The following EML6 variants were observed in gnomAD, a reference collection of about 807,000 sequenced individuals.
EML6 encodes echinoderm microtubule-associated protein-like 6.
EML6 carries 154 observed loss-of-function variants against 240.1 expected under a neutral mutation model. The observed-to-expected ratio is 0.64, with a 90% confidence interval of 0.56 to 0.73. The LOEUF is 0.73. Ranked by LOEUF, EML6 falls within the 30% of genes least tolerant of loss-of-function variation. EML6 has a pLI of 0.00. For synonymous variants in EML6, 1,148 were observed against 899.0 expected (o/e 1.28, Z -4.95); for missense variants, 2,964 against 2,474.6 (o/e 1.20, Z -4.20).
At chr2:54,934,249 C>T (rs1189928117) in intron 28 of EML6, among the ~76,000 whole-genome samples, 2 of 152,130 alleles carry the variant, frequency 1.3e-5, no homozygotes, top group Non-Finnish European at 2.9e-5. Flanking sequence ...GTACAGCTCT[C>T]CAAGTGTCCC....
At chr2:54,895,540 T>C in intron 21 of EML6, 140 bp downstream of exon 21, 1 of 751,708 alleles carries the variant, frequency 1.3e-6, no homozygotes, top group Non-Finnish European at 2.1e-6. Flanking sequence ...TACCTATTGC[T>C]GTGTAACAAA....
intron 2 of EML6, among the ~76,000 whole-genome samples, chr2:54,744,143 G>A (rs1445799072): frequency 1.3e-5 from 2 of 151,420 alleles, no homozygotes; most frequent in Non-Finnish European, 2.9e-5. Context: ...GGGGTGGGGG[G>A]AATCTAGAAA....
At position 54,895,404 on chromosome 2, in the gene EML6, C is replaced by G. The variant is rs369842285; in HGVS notation, c.2982+4C>G. 9 of 1,551,596 alleles carry G rather than the reference C, an allele frequency of 5.8e-6. No individual in the cohort carries two copies. In the African/African-American group the frequency reaches 8.2e-5, roughly 14 times the overall value. ...CCCAATGACACTGCTTGTTCAGGTA[C>G]TGTTTGTATGTATTCTAAACTGCAG... On this transcript the variant is annotated splice_donor_region_variant and intron_variant, in intron 21 of 41. Transcript: ENST00000356458.
At chr2:54,856,334 C>T (rs1044640903) in intron 11 of EML6, among the ~76,000 whole-genome samples, 13 of 152,326 alleles carry the variant, frequency 8.5e-5, no homozygotes, top group South Asian at 2.1e-4. Flanking sequence ...AGCCTTGGTA[C>T]GCACCCCTAC....
intron 2 of EML6, among the ~76,000 whole-genome samples, chr2:54,741,000 A>G (rs146827951): frequency 6.6e-6 from 1 of 152,294 alleles, no homozygotes; most frequent in Non-Finnish European, 1.5e-5. Flanking sequence ...GGATTTTTTT[A>G]TAATCTATGG....
chr2:54,967,365 C>T (rs536362183), intron 39 of EML6: 58 of 241,662 alleles, frequency 2.4e-4, no homozygotes, highest in African/African-American at 1.1e-3. Flanking sequence ...GCAAGTTCAA[C>T]AGGAAACCAT....
At chr2:54,753,611 G>A (rs1684269041) in intron 2 of EML6, among the ~76,000 whole-genome samples, 1 of 151,586 alleles carries the variant, frequency 6.6e-6, no homozygotes, top group African/African-American at 2.4e-5. Flanking sequence ...AAAAGCAGAG[G>A]AACAGAGTCT....
intron 33 of EML6, 100 bp downstream of exon 33, chr2:54,958,098 G>A (rs1676318675): frequency 9.7e-7 from 1 of 1,035,604 alleles, no homozygotes; most frequent in Non-Finnish European, 1.4e-6. Flanking sequence ...GCTGAAAACA[G>A]CAGGAAAGCC....
intron 2 of EML6, among the ~76,000 whole-genome samples, chr2:54,757,024 TTTTTATA>T (rs1332190640): frequency 6.6e-6 from 1 of 152,008 alleles, no homozygotes; most frequent in East Asian, 1.9e-4. Flanking sequence ...TGAATTTTTA[TTTTTATA>T]TTTTATATTT....
At position 54,907,951 on chromosome 2, in the gene EML6, AGAT is replaced by A. The variant is rs1436666119; in HGVS notation, c.3410-3002_3410-3000del. 7.1e-3 allele frequency among the ~76,000 whole-genome samples: 166 copies of A among 23,526 alleles called. 1 individual carries two copies. The highest frequency in any genetic ancestry group is 0.011 in the Non-Finnish European group (104 of 9,876). 15.4% of individuals were successfully genotyped at this position (23,526 alleles called of 152,430 possible). On this transcript the variant is annotated intron_variant, in intron 24 of 41. Transcript: ENST00000356458. ...AGATAGATAGATAGATAGATAAGAT[AGAT>A]AGATAGATAGATAGATAGATAGATA... is the stretch of plus-strand genomic sequence containing the variant.
At chr2:54,936,422 C>T (rs1675137246) in intron 28 of EML6, among the ~76,000 whole-genome samples, 1 of 152,158 alleles carries the variant, frequency 6.6e-6, no homozygotes, top group Non-Finnish European at 1.5e-5. Flanking sequence ...CCTCACTTAA[C>T]CGGCCACATA....
Position 54,853,694 on chromosome 2 carries a change from C to G in EML6, c.1496C>G (p.Ser499Cys). Residue 499 changes from serine (S) to cysteine (C), a missense_variant, in exon 11 of 42, where the codon TCC (serine) becomes TGC (cysteine). Coordinates refer to ENST00000356458, the MANE Select transcript of EML6 (RefSeq NM_001039753.4). ...KEEIKGIPWA[S>C]WTCVKGPEVS... ...GAAATTAAAGGGATTCCTTGGGCCT[C>G]CTGGACATGCGTGAAAGGCCCTGAA... The G allele has an allele frequency of 6.4e-7, 1 of 1,550,680 alleles. No individual in the cohort carries two copies. The highest frequency in any genetic ancestry group is 8.7e-7 in the Non-Finnish European group (1 of 1,146,420).
chr2:54,936,809 T>C (rs1291194112), intron 28 of EML6, among the ~76,000 whole-genome samples: 1 of 152,220 alleles, frequency 6.6e-6, no homozygotes, highest in Non-Finnish European at 1.5e-5. Flanking sequence ...GAAAAGAGGT[T>C]TAACTGCTCC....
chr2:54,923,202 A>T (rs1674352743), intron 26 of EML6, among the ~76,000 whole-genome samples: 1 of 152,058 alleles, frequency 6.6e-6, no homozygotes, highest in Non-Finnish European at 1.5e-5. Context: ...CAGCCTCCCA[A>T]AGTGCTGGGA....
chr2:54,823,866 CTCTCTCTCTCTTTCTG>C (rs1057205627), intron 5 of EML6, among the ~76,000 whole-genome samples: 4 of 148,214 alleles, frequency 2.7e-5, no homozygotes, highest in African/African-American at 1.0e-4. Flanking sequence ...CTCTCTCTCT[CTCTCTCTCTCTTTCTG>C]TCTCTCTCTC....
chr2:54,825,697 GCCAAGGCATC>G (rs1226517345), intron 5 of EML6, among the ~76,000 whole-genome samples: 3 of 152,006 alleles, frequency 2.0e-5, no homozygotes, highest in African/African-American at 7.3e-5. Context: ...CTTCATTCTT[GCCAAGGCATC>G]CCTCTATTCC....
At chr2:54,914,958 C>G (rs1673831954) in intron 25 of EML6, among the ~76,000 whole-genome samples, 1 of 152,308 alleles carries the variant, frequency 6.6e-6, no homozygotes, top group Admixed American at 6.5e-5. Flanking sequence ...CCCCCTTCGG[C>G]TTCCTAAGCA....
chr2:54,806,523 G>T (rs779401695), intron 2 of EML6, among the ~76,000 whole-genome samples: 8 of 147,630 alleles, frequency 5.4e-5, no homozygotes, highest in South Asian at 4.3e-4. Context: ...TGAGGCAGGA[G>T]AATCGCTTGA....
At chr2:54,901,354 C>T (rs947753102) in intron 22 of EML6, among the ~76,000 whole-genome samples, 12 of 152,132 alleles carry the variant, frequency 7.9e-5, no homozygotes, top group Non-Finnish European at 1.6e-4. Flanking sequence ...CAGGATTTCC[C>T]AAATCTAAGT....
Sources: gnomAD v4.1 joint callset for allele counts (sites outside exome capture counted in the v4.1 genomes callset) on GRCh38, gnomAD v4.1.1 for gene constraint, MANE v1.5 for transcripts, NCBI Gene and HGNC (gene_info 2026-07-23, HGNC 2026-07-21) for gene names.